The following FAM13A variants were observed in gnomAD, a reference collection of about 807,000 sequenced individuals.
FAM13A encodes the protein protein FAM13A.
A neutral mutation model predicts 129.6 loss-of-function variants in FAM13A; 76 were observed. The observed-to-expected ratio is 0.59, with a 90% CI of 0.49 to 0.71. The LOEUF (loss-of-function observed/expected upper bound fraction) is 0.71, where lower values mean the gene tolerates loss of function less well. Among genes scored for constraint, FAM13A ranks in the 30% least tolerant of loss-of-function variants. The pLI is 0.00. For synonymous variants in FAM13A, 443 were observed against 449.9 expected, an observed-to-expected ratio of 0.98 and a Z score of 0.20; for missense variants, 1,108 against 1,249.3, an observed-to-expected ratio of 0.89 and a Z score of 1.70.
intron 5 of FAM13A, among the ~76,000 whole-genome samples, chr4:88,921,971 T>G (rs1751178064): frequency 6.6e-6 from 1 of 151,740 alleles, no homozygotes; most frequent in South Asian, 2.1e-4. Context: ...TACATAATGG[T>G]AAAGGGATCA....
chr4:88,850,513 C>T (rs926121845), intron 7 of FAM13A, among the ~76,000 whole-genome samples: 1 of 151,932 alleles, frequency 6.6e-6, no homozygotes, highest in Non-Finnish European at 1.5e-5. Flanking sequence ...GCCGAGATTG[C>T]GCCATTGCAC....
intron 2 of FAM13A, among the ~76,000 whole-genome samples, chr4:89,027,750 T>C (rs573547644): frequency 7.4e-4 from 113 of 152,240 alleles, no homozygotes; most frequent in South Asian, 3.3e-3. Flanking sequence ...AGCACTGTGA[T>C]ACCACAATGA....
intron 14 of FAM13A, among the ~76,000 whole-genome samples, chr4:88,751,976 T>G (rs1023564302): frequency 2.6e-5 from 4 of 152,204 alleles, no homozygotes; most frequent in Non-Finnish European, 5.9e-5. Context: ...AAGTGCTTAT[T>G]CAGGCTTCTA....
chr4:88,744,957 A>G (rs1741000567), intron 19 of FAM13A, among the ~76,000 whole-genome samples: 2 of 152,194 alleles, frequency 1.3e-5, no homozygotes, highest in African/African-American at 4.8e-5. Flanking sequence ...GCCAAGAATA[A>G]TAGTTCATAT....
rs140267129 is a variant in FAM13A, at chr4:88,792,002, C to G, written c.1050-1375G>C. 1.4e-3 allele frequency among the ~76,000 whole-genome samples: 215 copies of G among 152,160 alleles called. 1 individual carries two copies. The highest frequency in any genetic ancestry group is 4.9e-3 in the African/African-American group (203 of 41,542). Reference sequence around the variant, plus strand: ...TGTAGCTCTTTGTTATGGCCACAGACAAACCCAGAAAAACCACGTAAAATC... The same window carrying G: ...TGTAGCTCTTTGTTATGGCCACAGAGAAACCCAGAAAAACCACGTAAAATC... On this transcript the variant is annotated intron_variant, in intron 8 of 23. Transcript: ENST00000264344.
intron 4 of FAM13A, among the ~76,000 whole-genome samples, chr4:88,987,129 C>A (rs778595471): frequency 3.9e-5 from 6 of 152,054 alleles, no homozygotes; most frequent in Non-Finnish European, 8.8e-5. Flanking sequence ...CCCACAACTG[C>A]CAAATTTGGG....
chr4:88,877,803 C>A (rs17816002), intron 6 of FAM13A, among the ~76,000 whole-genome samples: 41,093 of 152,070 alleles, frequency 0.27, 6,082 homozygotes, highest in Middle Eastern at 0.37. Flanking sequence ...CTCAGTCTAC[C>A]TCAACTTTCT....
intron 14 of FAM13A, among the ~76,000 whole-genome samples, chr4:88,758,186 C>A (rs559480849): frequency 7.4e-4 from 113 of 152,192 alleles, no homozygotes; most frequent in Non-Finnish European, 1.4e-3. Context: ...GGAAAAAAAA[C>A]CAATCTAAAG....
At chr4:88,855,357 T>G (rs1378231022) in intron 6 of FAM13A, 2 of 152,182 alleles carry the variant, frequency 1.3e-5, no homozygotes, top group Admixed American at 6.5e-5. Context: ...GAAGATATGT[T>G]CATCATATTT....
intron 6 of FAM13A, among the ~76,000 whole-genome samples, chr4:88,885,829 C>T (rs949352295): frequency 6.7e-6 from 1 of 148,288 alleles, no homozygotes; most frequent in African/African-American, 2.5e-5. Flanking sequence ...AAAAATCACA[C>T]AATCCCATCA....
chr4:89,026,129 C>T (rs1767930361), intron 2 of FAM13A, among the ~76,000 whole-genome samples: 1 of 152,182 alleles, frequency 6.6e-6, no homozygotes. Context: ...ATGAACCATA[C>T]AACCCTACTT....
At chr4:89,033,180 AAAAATT>A (rs1277505412) in intron 1 of FAM13A, among the ~76,000 whole-genome samples, 1 of 152,204 alleles carries the variant, frequency 6.6e-6, no homozygotes, top group Non-Finnish European at 1.5e-5. Flanking sequence ...ATACCTAGAA[AAAAATT>A]AAAATTATCA....
chr4:89,053,447 T>C (rs888457340), intron 1 of FAM13A, among the ~76,000 whole-genome samples: 1 of 152,154 alleles, frequency 6.6e-6, no homozygotes, highest in African/African-American at 2.4e-5. Context: ...CTTGCTGTGA[T>C]TTAAGTTGAT....
chr4:88,911,462 C>T (rs1305853862), intron 5 of FAM13A, among the ~76,000 whole-genome samples: 1 of 152,174 alleles, frequency 6.6e-6, no homozygotes, highest in Non-Finnish European at 1.5e-5. Context: ...CTTGTCTTTC[C>T]CTCTCTTCTC....
In FAM13A at chr4:88,796,590, T is replaced by C. The variant is rs543616859; in HGVS notation, c.1050-5963A>G. Among the ~76,000 whole-genome samples the C allele has an allele frequency of 6.6e-5, 10 of 152,186 alleles. No individual in the cohort carries two copies. The East Asian group carries it at 1.7e-3, about 26-fold the overall frequency. ...GTGTTTACTTGTTTACCCTTGATAATGTAAGAATTTAAATTTATATGATTT... is the reference window on the plus strand; with the variant it reads ...GTGTTTACTTGTTTACCCTTGATAACGTAAGAATTTAAATTTATATGATTT... On this transcript the variant is annotated intron_variant, in intron 8 of 23. Coordinates refer to ENST00000264344, the MANE Select transcript of FAM13A (RefSeq NM_014883.4).
chr4:88,794,585 T>G (rs1478040131), intron 8 of FAM13A, among the ~76,000 whole-genome samples: 1 of 151,860 alleles, frequency 6.6e-6, no homozygotes, highest in East Asian at 1.9e-4. Context: ...AAGCATGTGT[T>G]CTCTTTTCTG....
At chr4:88,788,764 TC>T (rs1724506572) in intron 9 of FAM13A, among the ~76,000 whole-genome samples, 1 of 152,146 alleles carries the variant, frequency 6.6e-6, no homozygotes, top group Non-Finnish European at 1.5e-5. Flanking sequence ...ACCTTGTTTT[TC>T]TTCGCTTGAA....
intron 4 of FAM13A, 155 bp downstream of exon 4, chr4:88,990,818 C>G (rs1762835146): frequency 4.0e-6 from 2 of 502,094 alleles, no homozygotes; most frequent in Non-Finnish European, 6.9e-6. Context: ...GGATGAAAAA[C>G]AAGGCTAACA....
chr4:88,893,638 G>GAATAAATAAATA (rs1167502627), intron 6 of FAM13A, among the ~76,000 whole-genome samples: 2 of 112,110 alleles, frequency 1.8e-5, no homozygotes, highest in African/African-American at 6.6e-5. Context: ...ATGAATGAAT[G>GAATAAATAAATA]AATGAATAAA....
Sources: gnomAD v4.1 joint callset for allele counts (sites outside exome capture counted in the v4.1 genomes callset) on GRCh38, gnomAD v4.1.1 for gene constraint, MANE v1.5 for transcripts, NCBI Gene and HGNC (gene_info 2026-07-23, HGNC 2026-07-21) for gene names.